Variants in MYLK observed in about 807,000 individuals in gnomAD.
MYLK encodes myosin light chain kinase.
In MYLK, 106 loss-of-function variants were observed where a neutral mutation model predicts 203.4. That is an observed-to-expected ratio of 0.52 (90% confidence interval 0.45 to 0.61). The LOEUF (loss-of-function observed/expected upper bound fraction) is 0.61. Among genes scored for constraint, MYLK ranks in the 20% least tolerant of loss-of-function variants. The pLI, the probability that MYLK is intolerant of heterozygous loss-of-function variation, is 0.00. For missense variants in MYLK, 2,072 were observed against 2,442.3 expected, an observed-to-expected ratio of 0.85 and a Z score of 3.20; for synonymous variants, 867 against 959.5, an observed-to-expected ratio of 0.90 and a Z score of 1.78.
intron 27 of MYLK, among the ~76,000 whole-genome samples, chr3:123,643,056 C>T (rs79169232): frequency 0.03 from 4,589 of 152,282 alleles, 232 homozygotes; most frequent in African/African-American, 0.1. Context: ...CTGAAATTCA[C>T]GCCCTCTGAA....
Position 123,734,927 on chromosome 3 carries a change from C to T in MYLK, c.773+471G>A, listed in dbSNP as rs1007001884. The T allele has an allele frequency of 1.6e-5, 4 of 246,574 alleles. 1 individual carries two copies. Among genetic ancestry groups the T allele is most frequent in the South Asian group, 1.2e-4 (2 of 17,046 alleles). 15.3% of individuals were successfully genotyped at this position (246,574 alleles called of 1,614,324 possible). ...TTCTAATCAGTGCCTTCCTGTTGTC[C>T]TTCCTCACAGACGCATCCCAGTTGG... On this transcript the variant is annotated intron_variant, in intron 9 of 33. Transcript: ENST00000360304.
At chr3:123,725,575 T>C (rs1333441807) in intron 12 of MYLK, among the ~76,000 whole-genome samples, 3 of 152,222 alleles carry the variant, frequency 2.0e-5, no homozygotes, top group Admixed American at 2.0e-4. Flanking sequence ...TCAATAAATA[T>C]TAATTGAGGG....
At chr3:123,721,643 C>T (rs905230947) in intron 13 of MYLK, among the ~76,000 whole-genome samples, 1 of 151,816 alleles carries the variant, frequency 6.6e-6, no homozygotes, top group Admixed American at 6.6e-5. Context: ...CGCTGTGACC[C>T]AGGGTCCCCC....
intron 4 of MYLK, among the ~76,000 whole-genome samples, chr3:123,772,809 T>C (rs1451454433): frequency 6.6e-6 from 1 of 152,012 alleles, no homozygotes; most frequent in East Asian, 1.9e-4. Flanking sequence ...ATATGTTTCA[T>C]TTAAAAAACG....
chr3:123,614,838 A>C (rs1312701453), intron 33 of MYLK, among the ~76,000 whole-genome samples: 3 of 151,708 alleles, frequency 2.0e-5, no homozygotes, highest in African/African-American at 7.3e-5. Context: ...GCAGGGTCTC[A>C]TTCTATCACC....
intron 1 of MYLK, among the ~76,000 whole-genome samples, chr3:123,878,480 T>C (rs902123369): frequency 6.6e-6 from 1 of 152,118 alleles, no homozygotes; most frequent in Non-Finnish European, 1.5e-5. Context: ...ACAGGCCAGA[T>C]AAAGGTAGGA....
intron 19 of MYLK, among the ~76,000 whole-genome samples, chr3:123,682,542 G>A (rs549397652): frequency 3.4e-4 from 52 of 152,336 alleles, no homozygotes; most frequent in East Asian, 1.9e-3. Flanking sequence ...GGACAGCACC[G>A]TCACCTTGGC....
chr3:123,759,160 T>G lies in MYLK; in HGVS notation c.166-6622A>C, dbSNP rs2063455043. 2.6e-5 allele frequency among the ~76,000 whole-genome samples: 4 copies of G among 152,350 alleles called. 1 individual carries two copies. In the South Asian group the frequency reaches 8.3e-4, roughly 32 times the overall value. On this transcript the variant is annotated intron_variant, in intron 4 of 33. Coordinates refer to ENST00000360304, the MANE Select transcript of MYLK (RefSeq NM_053025.4). ...AATTTTAAGTGTGATGGGCAACTTC[T>G]CACGTTGATACCTTCCTTGTTCCCC...
At chr3:123,643,977 C>G (rs1341033023) in intron 27 of MYLK, among the ~76,000 whole-genome samples, 1 of 152,218 alleles carries the variant, frequency 6.6e-6, no homozygotes, top group African/African-American at 2.4e-5. Flanking sequence ...TCCAAAAGGA[C>G]AAGCCCAAGT....
At chr3:123,735,148 CTG>C in intron 9 of MYLK, 2 of 539,618 alleles carry the variant, frequency 3.7e-6, no homozygotes, top group South Asian at 1.9e-5. Flanking sequence ...AGAGAAGAGA[CTG>C]TGTAGATACT....
intron 2 of MYLK, among the ~76,000 whole-genome samples, chr3:123,841,030 G>A (rs1037001060): frequency 2.0e-5 from 3 of 152,076 alleles, no homozygotes; most frequent in Non-Finnish European, 4.4e-5. Flanking sequence ...AACATATAAT[G>A]AAATTATATT....
At chr3:123,827,694 CATAT>C (rs3052386) in intron 3 of MYLK, among the ~76,000 whole-genome samples, 463 of 24,030 alleles carry the variant, frequency 0.019, 4 homozygotes, top group Non-Finnish European at 0.029. Context: ...TGAAAAACAC[CATAT>C]ATATATATAT....
In MYLK at chr3:123,647,291, G is replaced by T; in HGVS notation, c.4552C>A (p.His1518Asn). 1 of 1,614,222 alleles carries T rather than the reference G, an allele frequency of 6.2e-7. No homozygotes were observed. The highest frequency in any genetic ancestry group is 8.5e-7 in the Non-Finnish European group (1 of 1,180,038). ...QEISIMNCLH[H>N]PKLVQCVDAF... ...TCCACACACTGGACCAGCTTAGGGTGGTGGAGGCAGTTCATGATGCTAATC... is the reference window on the plus strand; with the variant it reads ...TCCACACACTGGACCAGCTTAGGGTTGTGGAGGCAGTTCATGATGCTAATC... Residue 1518 changes from histidine to asparagine, a missense_variant, in exon 27 of 34, where the codon CAC becomes AAC. Around this residue, in one of 3 missense-constraint regions of MYLK, gnomAD observed 524 missense variants for 782.4 expected, o/e 0.67. Transcript: ENST00000360304.
chr3:123,614,028 G>GTTTTTTTT lies in MYLK; in HGVS notation c.*69_*76dup. 1 of 1,291,578 alleles carries GTTTTTTTT rather than the reference G, an allele frequency of 7.7e-7. No homozygotes were observed. Among genetic ancestry groups the GTTTTTTTT allele is most frequent in the East Asian group, 2.4e-5 (1 of 41,592 alleles). 80.0% of individuals were successfully genotyped at this position (1,291,578 alleles called of 1,614,324 possible). A position where few individuals can be genotyped will look rare whatever the true frequency, so the allele number is the denominator to read the frequency against. The stretch of plus-strand genomic sequence containing the variant: ...ACACTAGGTGCTTTTACTATCTTGA[G>GTTTTTTTT]TTTTTTTTTTTTTTTTGAGTTTTAG... On this transcript the variant is annotated 3_prime_UTR_variant, in exon 34 of 34. Coordinates refer to ENST00000360304, the MANE Select transcript of MYLK (RefSeq NM_053025.4).
chr3:123,688,107 CCTCT>C (rs991072290), intron 19 of MYLK, among the ~76,000 whole-genome samples: 17 of 151,208 alleles, frequency 1.1e-4, no homozygotes, highest in African/African-American at 2.4e-5. Context: ...CCTGCCCCTG[CCTCT>C]CTCTCTCTCC....
In MYLK at chr3:123,655,770, A is replaced by G. The variant is rs959092096; in HGVS notation, c.4288+1356T>C. Among the ~76,000 whole-genome samples the G allele has an allele frequency of 3.9e-5, 6 of 152,178 alleles. 1 individual carries two copies. Among genetic ancestry groups the G allele is most frequent in the South Asian group, 4.1e-4 (2 of 4,828 alleles). Reference sequence around the variant, plus strand: ...CTCCCCTCTAAATCTCATTTCTCCTATCTGTAAAATGAGGGTAATAACAGT... The same window carrying G: ...CTCCCCTCTAAATCTCATTTCTCCTGTCTGTAAAATGAGGGTAATAACAGT... On this transcript the variant is annotated intron_variant, in intron 24 of 33. Transcript: ENST00000360304.
At chr3:123,751,759 A>C (rs1281952281) in intron 5 of MYLK, among the ~76,000 whole-genome samples, 1 of 152,112 alleles carries the variant, frequency 6.6e-6, no homozygotes, top group Non-Finnish European at 1.5e-5. Flanking sequence ...AAAAACCTCG[A>C]GTGGGGTGAG....
chr3:123,756,095 C>A lies in MYLK; in HGVS notation c.166-3557G>T, dbSNP rs570584782. 3.9e-5 allele frequency among the ~76,000 whole-genome samples: 6 copies of A among 152,292 alleles called. No homozygotes were observed. The East Asian group carries it at 1.2e-3, about 29-fold the overall frequency. On this transcript the variant is annotated intron_variant, in intron 4 of 33. Coordinates refer to ENST00000360304, the MANE Select transcript of MYLK (RefSeq NM_053025.4). ...AAGTAGATGGTTTGCCATGATCTCA[C>A]ATGGCAGCTTAAATGGCAGATTGGA...
chr3:123,831,837 T>C (rs756256644), intron 2 of MYLK, among the ~76,000 whole-genome samples, 167 bp from the exon 3 acceptor site: 2 of 152,162 alleles, frequency 1.3e-5, no homozygotes, highest in African/African-American at 4.8e-5. Flanking sequence ...GGGGGGGTTA[T>C]ACGTTTAGAG....
Sources: allele counts gnomAD v4.1 joint callset (sites outside exome capture counted in the v4.1 genomes callset), GRCh38; gene constraint gnomAD v4.1.1; regional missense constraint gnomAD v4.1.1; transcripts MANE v1.5; gene names NCBI Gene and HGNC (gene_info 2026-07-23, HGNC 2026-07-21).